NDST4: variants seen among roughly 807,000 people sequenced by gnomAD.
The protein encoded by NDST4 is N-deacetylase and N-sulfotransferase 4.
NDST4 carries 63 observed loss-of-function variants against 100.8 expected under a neutral mutation model. The observed-to-expected ratio is 0.62, with a 90% confidence interval of 0.51 to 0.77. The LOEUF (loss-of-function observed/expected upper bound fraction) is 0.77, where lower values mean the gene tolerates loss of function less well. Ranked by LOEUF, NDST4 falls within the 30% of genes least tolerant of loss-of-function variation. NDST4 has a pLI of 0.00. For synonymous variants in NDST4, 377 were observed against 361.8 expected (o/e 1.04, Z -0.48); for missense variants, 943 against 1,018.4 (o/e 0.93, Z 1.01).
In NDST4 at chr4:114,852,708, C is replaced by T. The variant is rs766073791; in HGVS notation, c.1816+17G>A. The T allele has an allele frequency of 7.1e-7, 1 of 1,406,908 alleles. No homozygotes were observed. The highest frequency in any genetic ancestry group is 1.2e-5 in the South Asian group (1 of 85,914). The allele number at this position is 1,406,908 out of a possible 1,614,324, so 87.2% of individuals were successfully genotyped here. A position where few individuals can be genotyped will look rare whatever the true frequency, so the allele number is the denominator to read the frequency against. The stretch of plus-strand genomic sequence containing the variant: ...ATTTTTAAAAAGGATATAAGTAGCA[C>T]AATTGGCTATTTTTACCTGTTTTTT... On this transcript the variant is annotated intron_variant, in intron 8 of 13. Transcript: ENST00000264363.
At chr4:114,968,988 T>A (rs1726444008) in intron 4 of NDST4, among the ~76,000 whole-genome samples, 1 of 152,112 alleles carries the variant, frequency 6.6e-6, no homozygotes, top group African/African-American at 2.4e-5. Flanking sequence ...CTAGGTGAAA[T>A]AGATCACACT....
At chr4:114,876,105 A>T (rs903148759) in intron 6 of NDST4, among the ~76,000 whole-genome samples, 2 of 152,304 alleles carry the variant, frequency 1.3e-5, no homozygotes, top group South Asian at 2.1e-4. Flanking sequence ...CAAACACAGG[A>T]TGAAACAACG....
intron 2 of NDST4, among the ~76,000 whole-genome samples, chr4:114,998,897 G>A (rs1727221966): frequency 6.6e-6 from 1 of 152,036 alleles, no homozygotes; most frequent in African/African-American, 2.4e-5. Context: ...CTCATGATTA[G>A]GCGTGACTTG....
intron 6 of NDST4, among the ~76,000 whole-genome samples, chr4:114,892,066 C>T (rs956385791): frequency 1.3e-5 from 2 of 152,000 alleles, no homozygotes; most frequent in South Asian, 2.1e-4. Context: ...TATAAAATTG[C>T]CATTTTGTAG....
intron 2 of NDST4, among the ~76,000 whole-genome samples, chr4:115,032,937 G>C (rs1001498513): frequency 6.6e-6 from 1 of 151,444 alleles, no homozygotes; most frequent in Non-Finnish European, 1.5e-5. Flanking sequence ...TGATTCCTTT[G>C]AATTCGTATG....
At chr4:114,864,824 G>C (rs1047866814) in intron 7 of NDST4, among the ~76,000 whole-genome samples, 7 of 152,104 alleles carry the variant, frequency 4.6e-5, no homozygotes, top group African/African-American at 1.7e-4. Context: ...CCAACCTCTG[G>C]GGGTAGGACT....
At chr4:114,899,794 G>GT (rs200016491) in intron 6 of NDST4, among the ~76,000 whole-genome samples, 1 of 151,950 alleles carries the variant, frequency 6.6e-6, no homozygotes, top group South Asian at 2.1e-4. Flanking sequence ...TGTAGTTTTT[G>GT]TTTTTTGGAA....
At chr4:114,955,454 A>G (rs1726116271) in intron 4 of NDST4, among the ~76,000 whole-genome samples, 1 of 152,218 alleles carries the variant, frequency 6.6e-6, no homozygotes, top group African/African-American at 2.4e-5. Context: ...AAGTTAGCTT[A>G]GAGGGCTTTG....
intron 2 of NDST4, among the ~76,000 whole-genome samples, chr4:114,978,948 T>G (rs1726704013): frequency 6.6e-6 from 1 of 152,116 alleles, no homozygotes; most frequent in Admixed American, 6.6e-5. Flanking sequence ...ATTGTTTAGC[T>G]AAGTGTCTGG....
At chr4:115,110,420 A>G (rs921344518) in intron 1 of NDST4, among the ~76,000 whole-genome samples, 1 of 151,964 alleles carries the variant, frequency 6.6e-6, no homozygotes, top group Non-Finnish European at 1.5e-5. Flanking sequence ...TCAACAGACA[A>G]CATGGTTTCT....
At chr4:115,062,451 G>A (rs1010615491) in intron 2 of NDST4, among the ~76,000 whole-genome samples, 4 of 151,446 alleles carry the variant, frequency 2.6e-5, no homozygotes, top group African/African-American at 4.9e-5. Context: ...ATATACACAC[G>A]AAAAAATGCC....
At chr4:114,922,233 G>T (rs914520328) in intron 6 of NDST4, among the ~76,000 whole-genome samples, 5 of 152,160 alleles carry the variant, frequency 3.3e-5, no homozygotes, top group African/African-American at 1.2e-4. Flanking sequence ...AAGCGAGCAG[G>T]CTCAAGCATG....
At position 115,076,934 on chromosome 4, in the gene NDST4, A is replaced by C; in HGVS notation, c.103T>G (p.Ser35Ala). ...SIVISAYFLYSGYKQEMTLIE... is the reference protein window; with the variant it reads ...SIVISAYFLYAGYKQEMTLIE... ...AGTGTCATTTCCTGTTTGTAGCCAG[A>C]GTAGAGAAAATAGGCAGAAATGACA... The change falls in exon 2 of 14, where the codon TCT (serine) becomes GCT (alanine). Residue 35 changes from serine (S) to alanine (A), a missense_variant. Ser to Ala is a moderately conservative substitution (Grantham distance 99). Coordinates refer to ENST00000264363, the MANE Select transcript of NDST4 (RefSeq NM_022569.3). 1 of 1,613,680 alleles carries C rather than the reference A, an allele frequency of 6.2e-7. No homozygotes were observed. The highest frequency in any genetic ancestry group is 1.1e-5 in the South Asian group (1 of 91,072).
intron 2 of NDST4, among the ~76,000 whole-genome samples, chr4:115,005,565 T>A (rs1289784064): frequency 2.6e-5 from 4 of 152,094 alleles, no homozygotes; most frequent in Non-Finnish European, 5.9e-5. Flanking sequence ...GACAAGTCCT[T>A]GTTTTTATTG....
intron 2 of NDST4, among the ~76,000 whole-genome samples, chr4:114,978,562 T>C (rs1462321531): frequency 6.6e-6 from 1 of 152,070 alleles, no homozygotes; most frequent in African/African-American, 2.4e-5. Context: ...AATACATTTC[T>C]CATAGAGATT....
intron 4 of NDST4, among the ~76,000 whole-genome samples, chr4:114,948,963 A>T (rs944632870): frequency 1.3e-5 from 2 of 152,060 alleles, no homozygotes; most frequent in African/African-American, 4.8e-5. Flanking sequence ...CAATTTAAAT[A>T]GTCATATTTA....
intron 2 of NDST4, among the ~76,000 whole-genome samples, chr4:115,001,697 T>C (rs1229753924): frequency 6.6e-6 from 1 of 152,162 alleles, no homozygotes; most frequent in Non-Finnish European, 1.5e-5. Context: ...TAGGACATTT[T>C]ATTTTTACAG....
At chr4:115,074,717 T>C (rs1392447522) in intron 2 of NDST4, among the ~76,000 whole-genome samples, 1 of 152,120 alleles carries the variant, frequency 6.6e-6, no homozygotes, top group Non-Finnish European at 1.5e-5. Flanking sequence ...TCATTTTGCT[T>C]TACAGTGGCC....
At chr4:115,041,339 T>C (rs1315962084) in intron 2 of NDST4, among the ~76,000 whole-genome samples, 4 of 152,100 alleles carry the variant, frequency 2.6e-5, no homozygotes, top group African/African-American at 7.2e-5. Context: ...CAAAAGACTT[T>C]TTTGGGATCT....
Sources: allele counts gnomAD v4.1 joint callset (sites outside exome capture counted in the v4.1 genomes callset), GRCh38; gene constraint gnomAD v4.1.1; transcripts MANE v1.5; gene names NCBI Gene and HGNC (gene_info 2026-07-23, HGNC 2026-07-21).